Variants in IQSEC1 observed in about 807,000 individuals in gnomAD.
IQSEC1 encodes IQ motif and Sec7 domain ArfGEF 1.
IQSEC1 carries 31 observed loss-of-function variants against 91.0 expected under a neutral mutation model. The observed-to-expected ratio is 0.34, with a 90% CI of 0.26 to 0.46. The LOEUF (loss-of-function observed/expected upper bound fraction) is 0.46, where lower values mean the gene tolerates loss of function less well. IQSEC1 is among the 20% of genes least tolerant of loss of function. IQSEC1 has a pLI of 1.00. For missense variants in IQSEC1, 1,388 were observed against 1,575.6 expected (o/e 0.88, Z 2.02); for synonymous variants, 699 against 662.6 (o/e 1.05, Z -0.84).
At position 12,900,069 on chromosome 3, in the gene IQSEC1, G is replaced by C. The variant is rs1242708555; in HGVS notation, c.*914C>G. On this transcript the variant is annotated 3_prime_UTR_variant, in exon 14 of 14. Transcript: ENST00000613206. The stretch of plus-strand genomic sequence containing the variant: ...CAACCAGCTTGTAACCAGCTGTCCT[G>C]AGTTGCTACTGTAGAGTGTACTGCA... The C allele has an allele frequency of 1.0e-6, 1 of 985,158 alleles. No individual in the cohort carries two copies. Among genetic ancestry groups the C allele is most frequent in the Non-Finnish European group, 1.2e-6 (1 of 829,826 alleles). 61.0% of individuals were successfully genotyped at this position (985,158 alleles called of 1,614,324 possible). A position where few individuals can be genotyped will look rare whatever the true frequency, so the allele number is the denominator to read the frequency against.
intron 1 of IQSEC1, among the ~76,000 whole-genome samples, chr3:13,004,025 A>G (rs1011146357): frequency 6.6e-6 from 1 of 152,222 alleles, no homozygotes; most frequent in African/African-American, 2.4e-5. Context: ...TTATTGTTGT[A>G]ACTCTTCTTT....
chr3:13,141,076 T>C (rs1437972919), intron 2 of IQSEC1, among the ~76,000 whole-genome samples: 2 of 152,220 alleles, frequency 1.3e-5, no homozygotes, highest in Non-Finnish European at 2.9e-5. Flanking sequence ...AAGAGTTTGA[T>C]GTTTATTTCC....
intron 1 of IQSEC1, among the ~76,000 whole-genome samples, chr3:13,242,411 C>T (rs556631121): frequency 2.0e-5 from 3 of 152,218 alleles, no homozygotes; most frequent in Admixed American, 2.0e-4. Flanking sequence ...CCCCCAAGAG[C>T]AAGGTGGGCA....
intron 1 of IQSEC1, among the ~76,000 whole-genome samples, chr3:13,184,839 C>G (rs1693903866): frequency 6.6e-6 from 1 of 152,116 alleles, no homozygotes; most frequent in Non-Finnish European, 1.5e-5. Context: ...AGCAAGGGAG[C>G]GATAAACACA....
chr3:13,022,313 C>A, intron 1 of IQSEC1: 1 of 1,208,918 alleles, frequency 8.3e-7, no homozygotes, highest in Non-Finnish European at 1.0e-6. Context: ...ACAGGCCCCA[C>A]TATCCACCGG....
chr3:13,108,567 C>T (rs943005792), intron 2 of IQSEC1, among the ~76,000 whole-genome samples: 5 of 151,988 alleles, frequency 3.3e-5, no homozygotes, highest in Admixed American at 1.3e-4. Context: ...CTCCTTTTGA[C>T]GAAACACCCC....
intron 3 of IQSEC1, among the ~76,000 whole-genome samples, chr3:12,928,899 C>G (rs985617726): frequency 6.6e-6 from 1 of 152,172 alleles, no homozygotes; most frequent in Non-Finnish European, 1.5e-5. Flanking sequence ...GCTGTGCGGT[C>G]CCCTATGGAC....
chr3:13,040,511 T>C (rs1437603651), intron 1 of IQSEC1, among the ~76,000 whole-genome samples: 1 of 152,162 alleles, frequency 6.6e-6, no homozygotes, highest in Non-Finnish European at 1.5e-5. Flanking sequence ...GGGTTCCTCC[T>C]AGAGCCTGAG....
At chr3:13,029,491 T>C (rs9836477) in intron 1 of IQSEC1, among the ~76,000 whole-genome samples, 3,170 of 152,342 alleles carry the variant, frequency 0.021, 94 homozygotes, top group African/African-American at 0.072. Context: ...ATGTCTAACC[T>C]AAATCCTTTT....
chr3:12,927,346 G>A (rs367593085), intron 3 of IQSEC1, among the ~76,000 whole-genome samples: 1 of 151,244 alleles, frequency 6.6e-6, no homozygotes, highest in Non-Finnish European at 1.5e-5. Flanking sequence ...GGCAGTGAGT[G>A]GGGGAGCCGG....
At chr3:13,108,428 C>G (rs1317622911) in intron 2 of IQSEC1, among the ~76,000 whole-genome samples, 2 of 152,102 alleles carry the variant, frequency 1.3e-5, no homozygotes, top group African/African-American at 4.8e-5. Flanking sequence ...TTTTGGGGCT[C>G]TCAGTGCAAG....
chr3:13,221,702 C>T (rs935311722), intron 1 of IQSEC1, among the ~76,000 whole-genome samples: 1 of 152,274 alleles, frequency 6.6e-6, no homozygotes, highest in Admixed American at 6.5e-5. Context: ...TCCAATGGGG[C>T]AGCGTGTGGC....
In IQSEC1 at chr3:12,979,704, A is replaced by G. The variant is rs972337687; in HGVS notation, c.24-37839T>C. On this transcript the variant is annotated intron_variant, in intron 1 of 13. Transcript: ENST00000613206. This position sits in a 1 kb window ranked among gnomAD's most constrained non-coding sequence, Gnocchi z 4.3. Reference sequence around the variant, plus strand: ...AAAGAGACATTAAAGGTCTGTCAGCATGCCGACCCTCCTGTCTGATGTCAT... The same window carrying G: ...AAAGAGACATTAAAGGTCTGTCAGCGTGCCGACCCTCCTGTCTGATGTCAT... 1.3e-5 allele frequency among the ~76,000 whole-genome samples: 2 copies of G among 152,202 alleles called. No homozygotes were observed. The highest frequency in any genetic ancestry group is 2.9e-5 in the Non-Finnish European group (2 of 68,046).
intron 2 of IQSEC1, among the ~76,000 whole-genome samples, chr3:13,152,034 G>T (rs1461829132): frequency 2.0e-5 from 3 of 152,102 alleles, no homozygotes; most frequent in African/African-American, 7.2e-5. Context: ...TCATAAGTCA[G>T]ACTCCCCACA....
chr3:13,094,720 G>A (rs62232951), intron 2 of IQSEC1, among the ~76,000 whole-genome samples: 29,770 of 152,076 alleles, frequency 0.2, 3,368 homozygotes, highest in Middle Eastern at 0.34. Flanking sequence ...GGGCTGCAGG[G>A]CTCAAACTCA....
intron 2 of IQSEC1, among the ~76,000 whole-genome samples, chr3:13,163,619 G>A (rs779663361): frequency 2.0e-5 from 3 of 152,132 alleles, no homozygotes; most frequent in Non-Finnish European, 4.4e-5. Context: ...ACCTACCCTC[G>A]GTTGGTGGGG....
chr3:13,048,328 C>T (rs1370089332), intron 1 of IQSEC1, among the ~76,000 whole-genome samples: 1 of 152,194 alleles, frequency 6.6e-6, no homozygotes, highest in Non-Finnish European at 1.5e-5. Context: ...GGCTGGGGGG[C>T]CCCATCCCCA....
intron 1 of IQSEC1, among the ~76,000 whole-genome samples, chr3:12,951,863 G>A (rs1182910554): frequency 1.2e-4 from 18 of 152,166 alleles, no homozygotes; most frequent in Admixed American, 1.2e-3. Context: ...AGCCCTGGAG[G>A]AGCACACGTA....
chr3:13,106,741 A>C (rs1167742749), intron 2 of IQSEC1, among the ~76,000 whole-genome samples: 1 of 152,256 alleles, frequency 6.6e-6, no homozygotes, highest in Non-Finnish European at 1.5e-5. Flanking sequence ...CTGAACCCTG[A>C]GTACACACTC....
Sources: allele counts gnomAD v4.1 joint callset (sites outside exome capture counted in the v4.1 genomes callset), GRCh38; gene constraint gnomAD v4.1.1; non-coding constraint Gnocchi (gnomAD v3.1); transcripts MANE v1.5; gene names NCBI Gene and HGNC (gene_info 2026-07-23, HGNC 2026-07-21).